The following LRPPRC variants were observed in gnomAD, a reference collection of about 807,000 sequenced individuals.
LRPPRC encodes the protein leucine-rich PPR motif-containing protein, mitochondrial.
A neutral mutation model predicts 180.3 loss-of-function variants in LRPPRC; 120 were observed. That is an observed-to-expected ratio of 0.67 (90% CI 0.57 to 0.77). The LOEUF (loss-of-function observed/expected upper bound fraction) is 0.77. LRPPRC is among the 30% of genes least tolerant of loss of function. LRPPRC has a pLI of 0.00. For synonymous variants in LRPPRC, 723 were observed against 600.0 expected (o/e 1.21, Z -3.00); for missense variants, 2,012 against 1,657.2 (o/e 1.21, Z -3.72).
At chr2:43,912,330 C>A (rs1300926442) in intron 30 of LRPPRC, 102 bp downstream of exon 30, 1 of 1,056,830 alleles carries the variant, frequency 9.5e-7, no homozygotes, top group Non-Finnish European at 1.4e-6. Context: ...TGAGGCCAAT[C>A]AAGCAATTTT....
At chr2:43,924,355 G>A (rs112302907) in intron 27 of LRPPRC, among the ~76,000 whole-genome samples, 59 of 152,254 alleles carry the variant, frequency 3.9e-4, no homozygotes, top group African/African-American at 1.3e-3. Context: ...AAGAGAGATC[G>A]AAAGTTTCAG....
intron 3 of LRPPRC, among the ~76,000 whole-genome samples, chr2:43,977,486 A>G (rs1674111869): frequency 2.6e-5 from 4 of 152,208 alleles, no homozygotes; most frequent in Admixed American, 2.6e-4. Context: ...CTGTATAGTT[A>G]CAAGTAACTG....
Position 43,974,657 on chromosome 2 carries a change from T to C in LRPPRC, c.966A>G (p.Ser322=). The change falls in exon 8 of 38, where the codon TCA becomes TCG. Residue 322 remains serine, a synonymous_variant. Transcript: ENST00000260665. ...FSKAGYPQYV[S]EILEKVTCER... is the part of the protein sequence containing the mutation. Reference sequence around the variant, plus strand: ...CACATGTAACTTTTTCCAAAATTTCTGAGACATACTGAGGATACCCAGCTT... The same window carrying C: ...CACATGTAACTTTTTCCAAAATTTCCGAGACATACTGAGGATACCCAGCTT... The C allele has an allele frequency of 6.2e-7, 1 of 1,610,584 alleles. No individual in the cohort carries two copies. The highest frequency in any genetic ancestry group is 8.5e-7 in the Non-Finnish European group (1 of 1,176,884).
Position 43,886,697 on chromosome 2 carries a change from G to A in LRPPRC, c.*1903C>T, listed in dbSNP as rs190578201. On this transcript the variant is annotated 3_prime_UTR_variant, in exon 38 of 38. Coordinates refer to ENST00000260665, the MANE Select transcript of LRPPRC (RefSeq NM_133259.4). ...ATGGTACTTTCAGTTTCCCCAAAAAGATGACTGCGAAATCCAGATTACACC... is the reference window on the plus strand; with the variant it reads ...ATGGTACTTTCAGTTTCCCCAAAAAAATGACTGCGAAATCCAGATTACACC... 2 of 152,158 alleles carry A rather than the reference G, an allele frequency of 1.3e-5. No individual in the cohort carries two copies. Among genetic ancestry groups the A allele is most frequent in the Non-Finnish European group, 2.9e-5 (2 of 68,038 alleles). The allele number at this position is 152,158 out of a possible 1,614,324, so 9.4% of individuals were successfully genotyped here. A position where few individuals can be genotyped will look rare whatever the true frequency, so the allele number is the denominator to read the frequency against.
intron 27 of LRPPRC, among the ~76,000 whole-genome samples, chr2:43,921,305 T>A (rs1671691707): frequency 6.6e-6 from 1 of 151,874 alleles, no homozygotes. Context: ...AGGACTAAAA[T>A]AAAACACAAA....
intron 17 of LRPPRC, 74 bp from the exon 18 acceptor site, chr2:43,948,273 T>C: frequency 1.0e-6 from 1 of 972,362 alleles, no homozygotes; most frequent in Non-Finnish European, 1.7e-6. Context: ...TAACAGAAAT[T>C]ATCTCAGACA....
intron 19 of LRPPRC, 118 bp from the exon 20 acceptor site, chr2:43,947,488 A>G (rs947918851): frequency 1.5e-6 from 1 of 677,732 alleles, no homozygotes; most frequent in Non-Finnish European, 2.7e-6. Context: ...CATAAATGCT[A>G]TCAGGGATAT....
chr2:43,889,314 CA>C (rs780032604), intron 37 of LRPPRC, among the ~76,000 whole-genome samples: 797 of 38,112 alleles, frequency 0.021, no homozygotes, highest in African/African-American at 0.09. Flanking sequence ...GACTCCATCT[CA>C]AAAAAAAAAA....
intron 1 of LRPPRC, among the ~76,000 whole-genome samples, chr2:43,983,567 T>A (rs1321257642): frequency 1.3e-5 from 2 of 152,174 alleles, no homozygotes; most frequent in Non-Finnish European, 2.9e-5. Context: ...TAACAAATGA[T>A]TTCTAATTAT....
At chr2:43,905,541 A>G in intron 31 of LRPPRC, 151 bp downstream of exon 31, 1 of 709,508 alleles carries the variant, frequency 1.4e-6, no homozygotes, top group Non-Finnish European at 2.6e-6. Flanking sequence ...AAATGCATGT[A>G]CAGTAATTTA....
intron 12 of LRPPRC, 71 bp from the exon 13 acceptor site, chr2:43,960,705 T>G: frequency 1.2e-6 from 1 of 809,874 alleles, no homozygotes; most frequent in African/African-American, 1.7e-5. Flanking sequence ...AAGATCCTGT[T>G]TTCCTGATTA....
intron 6 of LRPPRC, among the ~76,000 whole-genome samples, chr2:43,975,807 T>C (rs773696959): frequency 1.7e-4 from 26 of 152,232 alleles, no homozygotes; most frequent in Middle Eastern, 3.4e-3. Context: ...GGTCTTGAAC[T>C]CCTGACCTCA....
Position 43,975,082 on chromosome 2 carries a change from A to T in LRPPRC, c.864+9T>A. The T allele has an allele frequency of 6.2e-7, 1 of 1,611,604 alleles. No individual in the cohort carries two copies. The highest frequency in any genetic ancestry group is 1.7e-4 in the Middle Eastern group (1 of 6,058). On this transcript the variant is annotated intron_variant, in intron 7 of 37. Coordinates refer to ENST00000260665, the MANE Select transcript of LRPPRC (RefSeq NM_133259.4). ...TTTTAAAGTATGTTTATTTAGACAT[A>T]AGTCATACCTGCTTAACATGGTCAA...
intron 1 of LRPPRC, among the ~76,000 whole-genome samples, chr2:43,993,824 T>G (rs1674896603): frequency 6.6e-6 from 1 of 151,760 alleles, no homozygotes; most frequent in Admixed American, 6.6e-5. Context: ...CCGGCATGTT[T>G]TGGATTGAGT....
intron 36 of LRPPRC, among the ~76,000 whole-genome samples, chr2:43,891,050 A>G (rs12465555): frequency 0.16 from 24,044 of 152,182 alleles, 2,908 homozygotes; most frequent in East Asian, 0.54. Context: ...AGAGTCTCCC[A>G]AAGTGGAATG....
rs758298316 is a variant in LRPPRC at position 43,905,709 on chromosome 2, C to A, written c.3347G>T (p.Arg1116Met). ...ANSRLIITQVRRDYLKEAVTT... is the reference protein window; with the variant it reads ...ANSRLIITQVMRDYLKEAVTT... ...TGACATACCTTTCAAATAATCCCGC[C>A]TAACTTGCGTTATGATGAGGCGGCT... is the stretch of plus-strand genomic sequence containing the variant. Residue 1116 changes from arginine to methionine, a missense_variant, in exon 31 of 38, where the codon AGG (arginine) becomes ATG (methionine). Physicochemically the swap from Arg to Met is moderately conservative, Grantham distance 91. Coordinates refer to ENST00000260665, the MANE Select transcript of LRPPRC (RefSeq NM_133259.4). The A allele has an allele frequency of 2.5e-6, 4 of 1,613,450 alleles. No individual in the cohort carries two copies. In the African/African-American group the frequency reaches 5.3e-5, roughly 22 times the overall value.
chr2:43,969,412 A>G (rs1673706309), intron 11 of LRPPRC, among the ~76,000 whole-genome samples: 1 of 150,268 alleles, frequency 6.7e-6, no homozygotes, highest in African/African-American at 2.4e-5. Flanking sequence ...TCCATCTCAA[A>G]AAAAAAAAAA....
chr2:43,977,375 CT>C, intron 3 of LRPPRC, 99 bp from the exon 4 acceptor site: 1 of 938,346 alleles, frequency 1.1e-6, no homozygotes, highest in Non-Finnish European at 1.7e-6. Context: ...AAAACTATCA[CT>C]TTAGCATTTC....
intron 14 of LRPPRC, among the ~76,000 whole-genome samples, chr2:43,953,086 C>T (rs1250303825): frequency 1.3e-5 from 2 of 152,180 alleles, no homozygotes; most frequent in Non-Finnish European, 2.9e-5. Flanking sequence ...GCCTCAATGC[C>T]TCGGCCTGAA....
Sources: gnomAD v4.1 joint callset for allele counts (sites outside exome capture counted in the v4.1 genomes callset) on GRCh38, gnomAD v4.1.1 for gene constraint, MANE v1.5 for transcripts, NCBI Gene and HGNC (gene_info 2026-07-23, HGNC 2026-07-21) for gene names.